Variants in EIF3I observed in about 807,000 individuals in gnomAD.
EIF3I encodes the protein eukaryotic translation initiation factor 3 subunit I.
In EIF3I, 20 loss-of-function variants were observed where a neutral mutation model predicts 43.3. The ratio of observed to expected loss-of-function variants is 0.46; its 90% CI spans 0.32 to 0.67. The LOEUF is 0.67. Among genes scored for constraint, EIF3I ranks in the 30% least tolerant of loss-of-function variants. The pLI is 0.03. For missense variants in EIF3I, 279 were observed against 421.4 expected (o/e 0.66, Z 2.96); for synonymous variants, 167 against 151.7 (o/e 1.10, Z -0.74).
intron 9 of EIF3I, 98 bp downstream of exon 9, chr1:32,229,306 G>C: frequency 5.3e-6 from 7 of 1,327,426 alleles, no homozygotes; most frequent in Non-Finnish European, 7.3e-6. Context: ...TGTCGCCTAG[G>C]CTGGAGCGCA....
chr1:32,230,330 G>A (rs1371172724), exon 10 of EIF3I, among the ~76,000 whole-genome samples: 2 of 152,066 alleles, frequency 1.3e-5, no homozygotes, highest in Non-Finnish European at 2.9e-5. Context: ...AACCTCCTGG[G>A]CTCAAGCGAT....
At chr1:32,228,700 G>C in intron 7 of EIF3I, 27 bp from the exon 8 acceptor site, 1 of 1,610,034 alleles carries the variant, frequency 6.2e-7, no homozygotes, top group Non-Finnish European at 8.5e-7. Flanking sequence ...GCTCTTTACA[G>C]ATTTCCCCCC....
chr1:32,224,535 A>G, intron 4 of EIF3I, 60 bp downstream of exon 4: 2 of 1,260,162 alleles, frequency 1.6e-6, no homozygotes, highest in South Asian at 1.2e-5. Flanking sequence ...TACCTGTTTG[A>G]GTAAACAGGT....
chr1:32,231,159 T>A (rs1424596855), exon 12 of EIF3I: 1 of 1,613,934 alleles, frequency 6.2e-7, no homozygotes, highest in Non-Finnish European at 8.5e-7. Flanking sequence ...ATCCATTACT[T>A]CGACCCACAG....
chr1:32,229,334 C>T, intron 9 of EIF3I, 126 bp downstream of exon 9: 2 of 971,538 alleles, frequency 2.1e-6, no homozygotes, highest in Non-Finnish European at 3.0e-6. Context: ...GATCTCTGCT[C>T]ACTGCAAGCT....
chr1:32,235,487 C>T (rs934071814), downstream of EIF3I, among the ~76,000 whole-genome samples: 1 of 152,170 alleles, frequency 6.6e-6, no homozygotes, highest in African/African-American at 2.4e-5. Flanking sequence ...ACCGCCACCA[C>T]ACCCAGCTAG....
chr1:32,224,240 C>T (rs1639103031), intron 3 of EIF3I, 119 bp downstream of exon 3: 4 of 1,133,910 alleles, frequency 3.5e-6, no homozygotes, highest in Non-Finnish European at 5.3e-6. Context: ...CCTCCTACTC[C>T]CTGGTCTCTT....
intron 9 of EIF3I, 84 bp downstream of exon 9, chr1:32,229,292 G>A (rs1045237789): frequency 2.2e-5 from 31 of 1,440,662 alleles, no homozygotes; most frequent in South Asian, 2.0e-4. Flanking sequence ...ATGGAGTCTC[G>A]CTCTGTCGCC....
chr1:32,222,812 A>G (rs892837891), intron 2 of EIF3I, among the ~76,000 whole-genome samples, 182 bp downstream of exon 2: 4 of 152,220 alleles, frequency 2.6e-5, no homozygotes, highest in East Asian at 3.9e-4. Context: ...GAAGAACTCT[A>G]TTGGCCGAGT....
exon 12 of EIF3I, chr1:32,231,279 T>C: frequency 1.5e-6 from 2 of 1,327,150 alleles, no homozygotes; most frequent in Non-Finnish European, 2.1e-6. Flanking sequence ...TCACCTGAGG[T>C]CAGGAGTTTA....
At chr1:32,226,040 A>G in intron 4 of EIF3I, 131 bp from the exon 5 acceptor site, 1 of 1,236,608 alleles carries the variant, frequency 8.1e-7, no homozygotes, top group Non-Finnish European at 1.1e-6. Context: ...AAAAAAAAAG[A>G]AAAGTTAAAA....
chr1:32,233,261 TCTC>T (rs1639262441), downstream of EIF3I, among the ~76,000 whole-genome samples: 2 of 152,168 alleles, frequency 1.3e-5, no homozygotes, highest in Non-Finnish European at 2.9e-5. Context: ...TTCAAGTGAT[TCTC>T]CTGCCTCAGC....
Position 32,222,524 on chromosome 1 carries a change from T to C in EIF3I, c.4-14T>C, listed in dbSNP as rs756429807. 1.2e-6 allele frequency: 2 copies of C among 1,614,080 alleles called. No individual in the cohort carries two copies. The highest frequency in any genetic ancestry group is 2.2e-5 in the South Asian group (2 of 91,080). On this transcript the variant is annotated splice_polypyrimidine_tract_variant and intron_variant, in intron 1 of 11. Transcript: ENST00000676679. ...CCAATTCCGAGCACTGACGTTACTGTCTTGTCCCCACAGAAGCCGATCCTA... is the reference window on the plus strand; with the variant it reads ...CCAATTCCGAGCACTGACGTTACTGCCTTGTCCCCACAGAAGCCGATCCTA...
chr1:32,229,948 ATATT>A (rs1260200220), intron 9 of EIF3I, among the ~76,000 whole-genome samples: 1 of 152,214 alleles, frequency 6.6e-6, no homozygotes, highest in African/African-American at 2.4e-5. Context: ...TATTCAGTTA[ATATT>A]TATTAAGCTC....
downstream of EIF3I, among the ~76,000 whole-genome samples, chr1:32,232,834 T>C (rs532997050): frequency 3.9e-4 from 59 of 152,170 alleles, no homozygotes; most frequent in African/African-American, 1.3e-3. Context: ...AGAGGAAGAC[T>C]GAGCAACAGA....
intron 7 of EIF3I, 38 bp downstream of exon 7, chr1:32,228,647 C>T (rs1639186547): frequency 6.2e-7 from 1 of 1,606,800 alleles, no homozygotes; most frequent in Non-Finnish European, 8.5e-7. Flanking sequence ...CTGCTCCCTC[C>T]CTCCGGCTGC....
chr1:32,232,467 G>A (rs1639251781), downstream of EIF3I, among the ~76,000 whole-genome samples: 1 of 152,216 alleles, frequency 6.6e-6, no homozygotes, highest in Non-Finnish European at 1.5e-5. Context: ...TGATGTTTGA[G>A]CTGAGTCTCA....
At chr1:32,224,683 T>C (rs969374538) in intron 4 of EIF3I, among the ~76,000 whole-genome samples, 2 of 151,296 alleles carry the variant, frequency 1.3e-5, no homozygotes, top group African/African-American at 4.9e-5. Context: ...TTTCTTTTTC[T>C]TATTTTGGAG....
chr1:32,226,509 G>A, exon 6 of EIF3I: 1 of 1,572,830 alleles, frequency 6.4e-7, no homozygotes, highest in Non-Finnish European at 8.6e-7. Flanking sequence ...AGAGTGGAGA[G>A]CTCAACCAGT....
Sources: allele counts gnomAD v4.1 joint callset (sites outside exome capture counted in the v4.1 genomes callset), GRCh38; gene constraint gnomAD v4.1.1; transcripts MANE v1.5; gene names NCBI Gene and HGNC (gene_info 2026-07-23, HGNC 2026-07-21).